CCDC3: variants seen among roughly 807,000 people sequenced by gnomAD.
CCDC3 encodes coiled-coil domain containing 3.
In CCDC3, 24 loss-of-function variants were observed where a neutral mutation model predicts 21.4. That is an observed-to-expected ratio of 1.12 (90% confidence interval 0.81 to 1.58). The LOEUF is 1.58. CCDC3 is among the 40% of genes most tolerant of loss of function. The pLI is 0.00. For synonymous variants in CCDC3, 186 were observed against 166.0 expected (o/e 1.12, Z -0.93); for missense variants, 425 against 360.9 (o/e 1.18, Z -1.44).
At chr10:12,909,799 C>T (rs994230228) in intron 2 of CCDC3, among the ~76,000 whole-genome samples, 1 of 152,192 alleles carries the variant, frequency 6.6e-6, no homozygotes, top group Non-Finnish European at 1.5e-5. Flanking sequence ...ATCCACCTGA[C>T]CCATCTCTAA....
intron 2 of CCDC3, among the ~76,000 whole-genome samples, chr10:12,970,007 C>T (rs1835318202): frequency 1.3e-5 from 2 of 152,184 alleles, no homozygotes; most frequent in African/African-American, 4.8e-5. Context: ...AACAGGATAG[C>T]CTGCAATGCC....
At chr10:13,026,585 T>C (rs1436933301) in intron 5 of CCDC3, among the ~76,000 whole-genome samples, 3 of 152,218 alleles carry the variant, frequency 2.0e-5, no homozygotes, top group African/African-American at 7.2e-5. Flanking sequence ...CTTTTTCACA[T>C]AGCAATAGAA....
At chr10:13,041,240 C>T (rs1198975049) in intron 5 of CCDC3, among the ~76,000 whole-genome samples, 5 of 152,122 alleles carry the variant, frequency 3.3e-5, no homozygotes, top group African/African-American at 9.7e-5. Context: ...TAGTATTTCT[C>T]TTGGTTTCTA....
At chr10:13,070,600 C>T (rs1210333245) in intron 4 of CCDC3, among the ~76,000 whole-genome samples, 1 of 152,112 alleles carries the variant, frequency 6.6e-6, no homozygotes, top group Non-Finnish European at 1.5e-5. Context: ...CTCTTGAAAC[C>T]TCAAGAAGAG....
At position 13,041,504 on chromosome 10, in the gene CCDC3, A is replaced by ATTT. The variant is rs71477255; in HGVS notation, c.-2+8167_-2+8169dup. Among the ~76,000 whole-genome samples the ATTT allele has an allele frequency of 4.9e-3, 305 of 62,092 alleles. 68 individuals are homozygous for ATTT. Among genetic ancestry groups the ATTT allele is most frequent in the African/African-American group, 0.016 (198 of 12,274 alleles). The allele number at this position is 62,092 out of a possible 152,430, so 40.7% of individuals were successfully genotyped here. ...GTTCACTCCAAGTGTCTGGCAGATA[A>ATTT]TTTTTTTTTTTTTTTTTTTTTTTTT... On this transcript the variant is annotated intron_variant, in intron 5 of 6. Transcript: ENST00000378839.
Position 12,898,148 on chromosome 10 carries a change from G to C in CCDC3, c.*268C>G, listed in dbSNP as rs1389980050. 21 of 485,196 alleles carry C rather than the reference G, an allele frequency of 4.3e-5. No homozygotes were observed. The highest frequency in any genetic ancestry group is 7.6e-5 in the Non-Finnish European group (21 of 274,540). The allele number at this position is 485,196 out of a possible 1,614,324, so 30.1% of individuals were successfully genotyped here. A position where few individuals can be genotyped will look rare whatever the true frequency, so the allele number is the denominator to read the frequency against. On this transcript the variant is annotated 3_prime_UTR_variant, in exon 3 of 3. Coordinates refer to ENST00000378825, the MANE Select transcript of CCDC3 (RefSeq NM_031455.4). ...TCTTTCTGGGCTGCTCTGCAGGCGA[G>C]CATTCAGCACTCAGGGATCCCACTG... is the stretch of plus-strand genomic sequence containing the variant.
chr10:13,075,818 G>A (rs1300466025), intron 3 of CCDC3, among the ~76,000 whole-genome samples: 1 of 152,130 alleles, frequency 6.6e-6, no homozygotes, highest in Non-Finnish European at 1.5e-5. Flanking sequence ...AGTGGCCAAG[G>A]TGAGCGGATC....
intron 5 of CCDC3, among the ~76,000 whole-genome samples, chr10:13,012,674 G>A (rs1835997258): frequency 6.6e-6 from 1 of 152,066 alleles, no homozygotes. Context: ...GGGAGGCTGA[G>A]GCAGGAGAAT....
At chr10:12,932,038 C>G (rs1316107640) in intron 2 of CCDC3, among the ~76,000 whole-genome samples, 3 of 152,212 alleles carry the variant, frequency 2.0e-5, no homozygotes, top group African/African-American at 4.8e-5. Context: ...TGTCCTGACA[C>G]TATTGAGTCT....
At chr10:12,910,712 C>T (rs1202911114) in intron 2 of CCDC3, among the ~76,000 whole-genome samples, 2 of 150,432 alleles carry the variant, frequency 1.3e-5, no homozygotes, top group African/African-American at 2.5e-5. Context: ...CGAGTTCAAG[C>T]GATTCTCCTG....
chr10:12,927,994 C>G (rs926273158), intron 2 of CCDC3, among the ~76,000 whole-genome samples: 9 of 152,224 alleles, frequency 5.9e-5, no homozygotes, highest in African/African-American at 2.2e-4. Context: ...AAGTAATTAT[C>G]TAATTTTCTT....
intron 2 of CCDC3, among the ~76,000 whole-genome samples, chr10:12,927,065 G>A (rs748400621): frequency 2.6e-5 from 4 of 152,150 alleles, no homozygotes; most frequent in African/African-American, 4.8e-5. Flanking sequence ...CCTGATATCA[G>A]CCAACGTGAT....
At chr10:12,913,749 C>T (rs530280448) in intron 2 of CCDC3, among the ~76,000 whole-genome samples, 2 of 152,308 alleles carry the variant, frequency 1.3e-5, no homozygotes, top group African/African-American at 2.4e-5. Flanking sequence ...TGTTGAGACA[C>T]ATTCCTTCTA....
chr10:12,910,611 ATT>A (rs11320030), intron 2 of CCDC3, among the ~76,000 whole-genome samples: 2 of 105,214 alleles, frequency 1.9e-5, no homozygotes, highest in African/African-American at 7.5e-5. Flanking sequence ...AAAAAAAAAA[ATT>A]TTTTTTTTTT....
At chr10:12,998,107 T>A (rs1164395357) in intron 2 of CCDC3, among the ~76,000 whole-genome samples, 1 of 152,184 alleles carries the variant, frequency 6.6e-6, no homozygotes, top group African/African-American at 2.4e-5. Flanking sequence ...TCTCATACTT[T>A]GGGAAGAACT....
chr10:12,923,096 A>G (rs1564285194), intron 2 of CCDC3, among the ~76,000 whole-genome samples: 1 of 152,230 alleles, frequency 6.6e-6, no homozygotes, highest in East Asian at 1.9e-4. Flanking sequence ...AACACAGGAA[A>G]GAAACTGGGT....
At chr10:12,961,808 C>A (rs547678386) in intron 2 of CCDC3, among the ~76,000 whole-genome samples, 4 of 152,270 alleles carry the variant, frequency 2.6e-5, no homozygotes, top group Admixed American at 1.3e-4. Flanking sequence ...TGCTGCTCAA[C>A]CCCTCATGAA....
intron 5 of CCDC3, among the ~76,000 whole-genome samples, chr10:13,008,450 G>A (rs1485636358): frequency 6.6e-6 from 1 of 152,206 alleles, no homozygotes; most frequent in Non-Finnish European, 1.5e-5. Flanking sequence ...GATGTGGAAG[G>A]CATGGCATGA....
intron 2 of CCDC3, among the ~76,000 whole-genome samples, chr10:12,963,863 G>A (rs1037950420): frequency 9.9e-5 from 15 of 152,222 alleles, no homozygotes; most frequent in East Asian, 5.8e-4. Flanking sequence ...GATTACTGGC[G>A]TGAGCCACCA....
Sources: allele counts gnomAD v4.1 joint callset (sites outside exome capture counted in the v4.1 genomes callset), GRCh38; gene constraint gnomAD v4.1.1; transcripts MANE v1.5; gene names NCBI Gene and HGNC (gene_info 2026-07-23, HGNC 2026-07-21).